STARD9: variants seen among roughly 807,000 people sequenced by gnomAD.
STARD9 encodes the protein StAR related lipid transfer domain containing 9, also known as stAR-related lipid transfer protein 9.
Under a neutral mutation model 399.8 loss-of-function variants are expected in STARD9, and 346 were observed. The ratio of observed to expected loss-of-function variants is 0.87; its 90% CI spans 0.79 to 0.95. STARD9 has a LOEUF of 0.95. Ranked by LOEUF, STARD9 falls within the 40% of genes least tolerant of loss-of-function variation. The pLI, the probability that STARD9 is intolerant of heterozygous loss-of-function variation, is 0.00. For synonymous variants in STARD9, 2,203 were observed against 2,143.5 expected (o/e 1.03, Z -0.77); for missense variants, 5,832 against 5,667.5 (o/e 1.03, Z -0.93).
intron 9 of STARD9, among the ~76,000 whole-genome samples, chr15:42,659,931 G>C (rs1254255457): frequency 6.6e-6 from 1 of 152,092 alleles, no homozygotes; most frequent in Non-Finnish European, 1.5e-5. Context: ...ATCCATAACT[G>C]TTATTTGTAA....
intron 3 of STARD9, among the ~76,000 whole-genome samples, chr15:42,590,829 G>A (rs1004101459): frequency 1.3e-5 from 2 of 152,138 alleles, no homozygotes; most frequent in Non-Finnish European, 2.9e-5. Flanking sequence ...AACTAATAGA[G>A]CAAGAACGCA....
chr15:42,586,840 C>CTTT (rs766190755), intron 3 of STARD9, among the ~76,000 whole-genome samples: 1 of 136,706 alleles, frequency 7.3e-6, no homozygotes, highest in Non-Finnish European at 1.6e-5. Context: ...TTTCATAAAA[C>CTTT]TTTTTTTTTT....
At chr15:42,651,519 A>G (rs971788686) in intron 8 of STARD9, among the ~76,000 whole-genome samples, 2 of 152,204 alleles carry the variant, frequency 1.3e-5, no homozygotes, top group East Asian at 1.9e-4. Context: ...TGAATCTGCT[A>G]TGAATAACTA....
Position 42,718,087 on chromosome 15 carries a change from C to T in STARD9, c.13670C>T (p.Ala4557Val), listed in dbSNP as rs751136309. ...VVSQPLSRVWAAVSDPTVWPL... is the reference protein window; with the variant it reads ...VVSQPLSRVWVAVSDPTVWPL... ...TCCCAGCCGCTGTCTCGTGTGTGGG[C>T]GGCTGTCAGTGACCCCACTGTGTGG... Residue 4557 changes from alanine (A) to valine (V), a missense_variant, in exon 30 of 33, where the codon GCG (alanine) becomes GTG (valine). Transcript: ENST00000290607. 23 of 1,537,110 alleles carry T rather than the reference C, an allele frequency of 1.5e-5. 1 individual carries two copies. The highest frequency in any genetic ancestry group is 2.4e-5 in the East Asian group (1 of 40,922).
Position 42,691,685 on chromosome 15 carries a change from A to C in STARD9, c.10107A>C (p.Gly3369=), listed in dbSNP as rs529481842. ...WNPHLRGYSS[G]KSVARTSLQA... ...CACATCTCAGGGGCTATTCCTCAGGAAAGTCAGTGGCAAGAACATCTCTGC... is the reference window on the plus strand; with the variant it reads ...CACATCTCAGGGGCTATTCCTCAGGCAAGTCAGTGGCAAGAACATCTCTGC... The change falls in exon 23 of 33, where the codon GGA becomes GGC. Residue 3369 remains glycine, a synonymous_variant. Coordinates refer to ENST00000290607, the MANE Select transcript of STARD9 (RefSeq NM_020759.3). 1 of 1,537,266 alleles carries C rather than the reference A, an allele frequency of 6.5e-7. No individual in the cohort carries two copies.
At position 42,663,271 on chromosome 15, in the gene STARD9, A is replaced by T. The variant is rs993751127; in HGVS notation, c.869-10A>T. 9 of 1,509,814 alleles carry T rather than the reference A, an allele frequency of 6.0e-6. No individual in the cohort carries two copies. Among genetic ancestry groups the T allele is most frequent in the African/African-American group, 1.4e-5 (1 of 71,498 alleles). 93.5% of individuals were successfully genotyped at this position (1,509,814 alleles called of 1,614,324 possible). On this transcript the variant is annotated splice_polypyrimidine_tract_variant and intron_variant, in intron 11 of 32. Transcript: ENST00000290607. Reference sequence around the variant, plus strand: ...CTTCTTTCTTCCATTTTCTTTTTTCATCTTTTAAGCCCAGAACTCCCAAGT... The same window carrying T: ...CTTCTTTCTTCCATTTTCTTTTTTCTTCTTTTAAGCCCAGAACTCCCAAGT...
At position 42,674,895 on chromosome 15, in the gene STARD9, C is replaced by T. The variant is rs754038784; in HGVS notation, c.1618C>T (p.Arg540Ter). 54 of 1,537,048 alleles carry T rather than the reference C, an allele frequency of 3.5e-5. No homozygotes were observed. The highest frequency in any genetic ancestry group is 4.2e-5 in the Non-Finnish European group (48 of 1,146,802). ...ITSACGVVVL[R>*]PARGARCTVN... ...CAGTGCCTGTGGTGTAGTTGTTCTA[C>T]GACCTGCCCGTGGGGCCCGCTGTAC... The change falls in exon 18 of 33, where the codon CGA becomes TGA. Residue 540 changes from arginine (R) to a stop codon, truncating the protein, a stop_gained. Transcript: ENST00000290607. LOFTEE classifies it high-confidence loss of function.
chr15:42,690,997 G>A lies in STARD9; in HGVS notation c.9419G>A (p.Gly3140Glu), dbSNP rs931417129. The A allele has an allele frequency of 2.6e-6, 4 of 1,537,088 alleles. No individual in the cohort carries two copies. The African/African-American group carries it at 5.5e-5, about 21-fold the overall frequency. Reference sequence around the variant, plus strand: ...CCAGAACCACCTGCAACAACTCAGGGACCACACACCCTGGATTTAAGTGAA... The same window carrying A: ...CCAGAACCACCTGCAACAACTCAGGAACCACACACCCTGGATTTAAGTGAA... The part of the protein sequence containing the change: ...TNPEPPATTQ[G>E]PHTLDLSEGS... The change falls in exon 23 of 33, where the codon GGA becomes GAA. Residue 3140 changes from glycine to glutamate, a missense_variant. This residue lies in a region of STARD9 where 5,828 missense variants were observed against 5,651.1 expected (regional missense o/e 1.03). Transcript: ENST00000290607.
intron 3 of STARD9, among the ~76,000 whole-genome samples, chr15:42,608,906 A>G (rs918668739): frequency 3.3e-5 from 5 of 152,242 alleles, no homozygotes; most frequent in Admixed American, 6.5e-5. Flanking sequence ...GATTCAGTCC[A>G]TAGATTATGT....
At chr15:42,696,434 G>A (rs1327121253) in intron 26 of STARD9, among the ~76,000 whole-genome samples, 2 of 152,212 alleles carry the variant, frequency 1.3e-5, no homozygotes, top group Non-Finnish European at 2.9e-5. Context: ...TGGTTGGAAT[G>A]TAAAGAGCGA....
chr15:42,618,506 C>G (rs1026095480), intron 3 of STARD9, among the ~76,000 whole-genome samples: 24 of 151,972 alleles, frequency 1.6e-4, no homozygotes, highest in African/African-American at 5.8e-4. Flanking sequence ...ATCTAGGTTT[C>G]CAAATATATG....
intron 31 of STARD9, 85 bp from the exon 32 acceptor site, chr15:42,718,667 C>T: frequency 6.8e-7 from 1 of 1,477,948 alleles, no homozygotes; most frequent in African/African-American, 1.4e-5. Flanking sequence ...CCCAGTGTTG[C>T]CTTTCACCAT....
Position 42,689,382 on chromosome 15 carries a change from T to C in STARD9, c.7804T>C (p.Ser2602Pro), listed in dbSNP as rs2060637038. ...GCCTCAGTGTAAACAAATAGACCAG[T>C]CATCATCAGACCAGACCAGGAATGA... ...GRPQCKQIDQ[S>P]SSDQTRNEGE... Residue 2602 changes from serine (S) to proline (P), a missense_variant, in exon 23 of 33, where the codon TCA (serine) becomes CCA (proline). By Grantham distance (74) the Ser-to-Pro change is moderately conservative (BLOSUM62 -1). Around this residue, in one of 2 missense-constraint regions of STARD9, gnomAD observed 5,828 missense variants for 5,651.1 expected, o/e 1.03. Coordinates refer to ENST00000290607, the MANE Select transcript of STARD9 (RefSeq NM_020759.3). 2 of 1,537,320 alleles carry C rather than the reference T, an allele frequency of 1.3e-6. No homozygotes were observed.
rs559361038 is a variant in STARD9, at chr15:42,681,372, G to T, written c.1875-50G>T. On this transcript the variant is annotated intron_variant, in intron 20 of 32. Coordinates refer to ENST00000290607, the MANE Select transcript of STARD9 (RefSeq NM_020759.3). ...CCTTACACTGCTATCAGTTTGTCCTGAGCTTGGTTTGCATTTCCCCTTGGG... is the reference window on the plus strand; with the variant it reads ...CCTTACACTGCTATCAGTTTGTCCTTAGCTTGGTTTGCATTTCCCCTTGGG... 886 of 1,508,844 alleles carry T rather than the reference G, an allele frequency of 5.9e-4. 13 individuals are homozygous for T. The South Asian group carries it at 0.011, about 18-fold the overall frequency. The allele number at this position is 1,508,844 out of a possible 1,614,324, so 93.5% of individuals were successfully genotyped here.
At position 42,689,662 on chromosome 15, in the gene STARD9, ACT is replaced by A; in HGVS notation, c.8087_8088del (p.Ser2696Ter). ...GGAGCAAGTGAACCATTTATATGTCACTCTAGTTCTTCTGAAATCATAGAGAA... is the reference window on the plus strand; with the variant it reads ...GGAGCAAGTGAACCATTTATATGTCACTAGTTCTTCTGAAATCATAGAGAA... On this transcript the variant is annotated frameshift_variant, in exon 23 of 33. Coordinates refer to ENST00000290607, the MANE Select transcript of STARD9 (RefSeq NM_020759.3). LOFTEE classifies it high-confidence loss of function. The A allele has an allele frequency of 6.5e-7, 1 of 1,537,600 alleles. No individual in the cohort carries two copies. Among genetic ancestry groups the A allele is most frequent in the Non-Finnish European group, 8.7e-7 (1 of 1,146,990 alleles).
intron 22 of STARD9, 60 bp downstream of exon 22, chr15:42,682,635 G>C: frequency 7.2e-7 from 1 of 1,383,326 alleles, no homozygotes; most frequent in East Asian, 2.5e-5. Context: ...TTCTTGCCCA[G>C]GTAGTTTTCT....
chr15:42,600,986 C>T (rs1245189812), intron 3 of STARD9, among the ~76,000 whole-genome samples: 1 of 150,992 alleles, frequency 6.6e-6, no homozygotes, highest in East Asian at 2.0e-4. Context: ...ACAGAGGTCT[C>T]TGGTTTTACT....
At chr15:42,670,503 A>T (rs1347511397) in intron 16 of STARD9, 3 of 152,206 alleles carry the variant, frequency 2.0e-5, no homozygotes, top group African/African-American at 7.2e-5. Flanking sequence ...GTTCCTTTTG[A>T]CAGCAGAACG....
chr15:42,609,293 T>A (rs935608354), intron 3 of STARD9, among the ~76,000 whole-genome samples: 7 of 152,154 alleles, frequency 4.6e-5, no homozygotes, highest in Non-Finnish European at 7.3e-5. Context: ...ACCCAAGTCC[T>A]CTCTCTAACC....
Sources: allele counts gnomAD v4.1 joint callset (sites outside exome capture counted in the v4.1 genomes callset), GRCh38; gene constraint gnomAD v4.1.1; regional missense constraint gnomAD v4.1.1; transcripts MANE v1.5; gene names NCBI Gene and HGNC (gene_info 2026-07-23, HGNC 2026-07-21).